Variants in ARHGEF40 observed in about 807,000 individuals in gnomAD.
ARHGEF40 encodes the protein Rho guanine nucleotide exchange factor (GEF) 40.
Under a neutral mutation model 165.9 loss-of-function variants are expected in ARHGEF40, and 98 were observed. The ratio of observed to expected loss-of-function variants is 0.59; its 90% CI spans 0.50 to 0.70. The LOEUF (loss-of-function observed/expected upper bound fraction) is 0.70. ARHGEF40 is among the 30% of genes least tolerant of loss of function. The probability of loss-of-function intolerance (pLI) is 0.00; values close to 1 mark genes in which losing one functional copy is unlikely to be tolerated. For missense variants in ARHGEF40, 1,815 were observed against 1,968.0 expected (o/e 0.92, Z 1.47); for synonymous variants, 792 against 814.3 (o/e 0.97, Z 0.47).
At chr14:21,083,005 T>C in intron 16 of ARHGEF40, 88 bp downstream of exon 16, 1 of 1,160,684 alleles carries the variant, frequency 8.6e-7, no homozygotes. Context: ...GGCAAAAAAC[T>C]GGATATGCCC....
chr14:21,074,483 C>A lies in ARHGEF40; in HGVS notation c.753C>A (p.Pro251=). The change falls in exon 3 of 24, where the codon CCC becomes CCA. Residue 251 remains proline (P), a synonymous_variant. Transcript: ENST00000298694. The surrounding 1 kb of genome is among the most constrained non-coding windows in gnomAD (Gnocchi z 4.8). ...TGGAGCTGTTAGAGGTGACGCTGCC[C>A]GTGAGGGGGAGCCCAACAGATGCTG... ...EYVELLEVTL[P]VRGSPTDAEG... 1 of 1,563,138 alleles carries A rather than the reference C, an allele frequency of 6.4e-7. No individual in the cohort carries two copies. The highest frequency in any genetic ancestry group is 2.3e-5 in the East Asian group (1 of 43,498).
At chr14:21,082,585 T>TCCATGA in intron 15 of ARHGEF40, 107 bp downstream of exon 15, 1 of 1,311,720 alleles carries the variant, frequency 7.6e-7, no homozygotes, top group Non-Finnish European at 1.0e-6. Flanking sequence ...CCATGTGTGG[T>TCCATGA]CCATGACCTT....
chr14:21,085,925 C>A (rs1470980298), intron 19 of ARHGEF40, 59 bp downstream of exon 19: 1 of 1,588,294 alleles, frequency 6.3e-7, no homozygotes, highest in African/African-American at 1.3e-5. Flanking sequence ...AGGAAGTTTT[C>A]TGGAGAGTGT....
At chr14:21,088,242 T>C in intron 22 of ARHGEF40, 144 bp downstream of exon 22, 1 of 1,111,478 alleles carries the variant, frequency 9.0e-7, no homozygotes. Context: ...GGATTTATTA[T>C]CTTGTCTACC....
In ARHGEF40 at chr14:21,070,414, G is replaced by C; in HGVS notation, c.3+15G>C. On this transcript the variant is annotated intron_variant, in intron 1 of 23. Transcript: ENST00000298694. The surrounding 1 kb of genome is among the most constrained non-coding windows in gnomAD (Gnocchi z 4.7). ...GCCGAGCCATGGTGAGTCCAGCGTC[G>C]CAGCCCCCTGGGTCCCCTCGGCCTT... 1 of 1,412,474 alleles carries C rather than the reference G, an allele frequency of 7.1e-7. No homozygotes were observed. The highest frequency in any genetic ancestry group is 1.5e-5 in the South Asian group (1 of 64,772). The allele number at this position is 1,412,474 out of a possible 1,614,324, so 87.5% of individuals were successfully genotyped here.
Position 21,083,916 on chromosome 14 carries a change from GA to G in ARHGEF40, c.3656del (p.Glu1219GlyfsTer4). 6.2e-7 allele frequency: 1 copy of G among 1,614,138 alleles called. No individual in the cohort carries two copies. Among genetic ancestry groups the G allele is most frequent in the Non-Finnish European group, 8.5e-7 (1 of 1,180,048 alleles). On this transcript the variant is annotated frameshift_variant, in exon 17 of 24. Transcript: ENST00000298694. LOFTEE classifies it high-confidence loss of function. Reference protein sequence around the residue: ...EQLTRYGRLLEELLREAGPEL... With the variant: ...EQLTRYGRLLXELLREAGPEL... Reference sequence around the variant, plus strand: ...GCTGACTCGGTATGGGCGGCTCCTGGAGGAGCTCCTGAGGGAAGCTGGGCCT... The same window carrying G: ...GCTGACTCGGTATGGGCGGCTCCTGGGGAGCTCCTGAGGGAAGCTGGGCCT...
the ARHGEF40 span, among the ~76,000 whole-genome samples, chr14:21,062,762 GGAGCCT>G: frequency 8.5e-5 from 9 of 106,508 alleles, no homozygotes; most frequent in Admixed American, 3.7e-4. Flanking sequence ...TATTTGAGAT[GGAGCCT>G]CACTCTGTTG....
intron 16 of ARHGEF40, 65 bp from the exon 17 acceptor site, chr14:21,083,770 A>G: frequency 6.7e-7 from 1 of 1,490,974 alleles, no homozygotes; most frequent in Non-Finnish European, 9.1e-7. Context: ...CTACCCCCCA[A>G]CCCCTGAGCT....
chr14:21,077,271 GTTTTTGTATTTTTTTTTTTTTT>G (rs1317106935), intron 8 of ARHGEF40, among the ~76,000 whole-genome samples: 1 of 138,348 alleles, frequency 7.2e-6, no homozygotes, highest in African/African-American at 2.6e-5. Flanking sequence ...CACCCACCTA[GTTTTTGTATTTTTTTTTTTTTT>G]TTTTTTGTAG....
rs140261322 is a variant in ARHGEF40, at chr14:21,082,493, C to T, written c.3486+15C>T. 5.5e-4 allele frequency: 852 copies of T among 1,559,382 alleles called. No individual in the cohort carries two copies. Among genetic ancestry groups the T allele is most frequent in the Non-Finnish European group, 7.0e-4 (810 of 1,151,714 alleles). ...TCCTTCGCCACGTGAGTGATCCCCT[C>T]AACTTCTTCCAAGTGCTCTCCCTTC... On this transcript the variant is annotated intron_variant, in intron 15 of 23. Transcript: ENST00000298694.
At position 21,087,483 on chromosome 14, in the gene ARHGEF40, G is replaced by T. The variant is rs1261167843; in HGVS notation, c.4387+20G>T. ...CCCTGGGTGAGGCACCTCTCAAGGG[G>T]TGGCTCCCAACAGCTCGGTCATGGT... On this transcript the variant is annotated intron_variant, in intron 21 of 23. Coordinates refer to ENST00000298694, the MANE Select transcript of ARHGEF40 (RefSeq NM_018071.5). 4.4e-6 allele frequency: 7 copies of T among 1,599,520 alleles called. No individual in the cohort carries two copies. Among genetic ancestry groups the T allele is most frequent in the Non-Finnish European group, 5.9e-6 (7 of 1,179,182 alleles).
Position 21,075,796 on chromosome 14 carries a change from C to T in ARHGEF40, c.1739+31C>T, listed in dbSNP as rs755823111. 25 of 1,601,516 alleles carry T rather than the reference C, an allele frequency of 1.6e-5. No individual in the cohort carries two copies. The highest frequency in any genetic ancestry group is 2.0e-5 in the Non-Finnish European group (24 of 1,172,646). ...CGAGGCCCAGTCCTGGCACCCTGGA[C>T]ACTAACCTCCTGATTCATGAGGACC... On this transcript the variant is annotated intron_variant, in intron 5 of 23. Transcript: ENST00000298694. The surrounding 1 kb of genome is among the most constrained non-coding windows in gnomAD (Gnocchi z 4.5).
At position 21,088,055 on chromosome 14, in the gene ARHGEF40, C is replaced by A. The variant is rs748355447; in HGVS notation, c.4475C>A (p.Thr1492Asn). The change falls in exon 22 of 24, where the codon ACT becomes AAT. Residue 1492 changes from threonine (T) to asparagine (N), a missense_variant. Thr to Asn is a moderately conservative substitution (Grantham distance 65). Transcript: ENST00000298694. The part of the protein sequence containing the change: ...SLQPPHPGSS[T>N]PTLASRGILG... ...CAACCCCCCCACCCTGGGAGCAGCA[C>A]TCCCACCCTGGCCAGTCGAGGGATC... 6.2e-7 allele frequency: 1 copy of A among 1,614,018 alleles called. No individual in the cohort carries two copies. The highest frequency in any genetic ancestry group is 8.5e-7 in the Non-Finnish European group (1 of 1,179,956).
intron 18 of ARHGEF40, 23 bp from the exon 19 acceptor site, chr14:21,085,666 C>A (rs201452739): frequency 2.1e-5 from 33 of 1,609,106 alleles, no homozygotes; most frequent in South Asian, 8.8e-5. Flanking sequence ...TGTCTTCACC[C>A]GCTGCCCTCT....
Position 21,087,332 on chromosome 14 carries a change from G to T in ARHGEF40, c.4256G>T (p.Arg1419Leu), listed in dbSNP as rs141993702. 1.2e-6 allele frequency: 2 copies of T among 1,603,394 alleles called. No homozygotes were observed. Among genetic ancestry groups the T allele is most frequent in the African/African-American group, 1.3e-5 (1 of 74,850 alleles). ...CCACTCTCTGCAGCCGCCCGCACCC[G>T]GGCCTCCGTGGCCGTGTCATCCTTT... ...ALLTGRAART[R>L]ASVAVSSFEH... The change falls in exon 21 of 24, where the codon CGG becomes CTG. Residue 1419 changes from arginine (R) to leucine (L), a missense_variant. Physicochemically the swap from Arg to Leu is moderately radical, Grantham distance 102. Coordinates refer to ENST00000298694, the MANE Select transcript of ARHGEF40 (RefSeq NM_018071.5).
Position 21,081,909 on chromosome 14 carries a change from A to G in ARHGEF40, c.3041A>G (p.Glu1014Gly), listed in dbSNP as rs1475484753. ...PSHCSLAPCG[E>G]DYEEEGPELA... is the part of the protein sequence containing the mutation. ...CATTGCTCCCTGGCCCCATGTGGAG[A>G]GGACTATGAGGAAGAGGGCCCTGAG... The change falls in exon 14 of 24, where the codon GAG becomes GGG. Residue 1014 changes from glutamate to glycine, a missense_variant. Physicochemically the swap from Glu to Gly is moderately conservative, Grantham distance 98. Transcript: ENST00000298694. 1 of 1,613,166 alleles carries G rather than the reference A, an allele frequency of 6.2e-7. No homozygotes were observed. Among genetic ancestry groups the G allele is most frequent in the Non-Finnish European group, 8.5e-7 (1 of 1,179,782 alleles).
intron 16 of ARHGEF40, among the ~76,000 whole-genome samples, chr14:21,083,255 G>A (rs927932241): frequency 2.0e-5 from 3 of 152,108 alleles, no homozygotes; most frequent in Admixed American, 2.0e-4. Context: ...AAGTTCAAAG[G>A]CAGTGGCCGG....
chr14:21,067,072 A>C (rs959353870), upstream of ARHGEF40, among the ~76,000 whole-genome samples: 1 of 152,128 alleles, frequency 6.6e-6, no homozygotes, highest in African/African-American at 2.4e-5. Flanking sequence ...TCCCAGGGAG[A>C]AATAGTGAGC....
intron 16 of ARHGEF40, among the ~76,000 whole-genome samples, chr14:21,083,411 G>A (rs973587169): frequency 4.0e-5 from 6 of 151,804 alleles, no homozygotes; most frequent in South Asian, 4.2e-4. Flanking sequence ...TTAGCCAGGC[G>A]TGGTGGCGGG....
Sources: allele counts gnomAD v4.1 joint callset (sites outside exome capture counted in the v4.1 genomes callset), GRCh38; gene constraint gnomAD v4.1.1; non-coding constraint Gnocchi (gnomAD v3.1); transcripts MANE v1.5; gene names NCBI Gene and HGNC (gene_info 2026-07-23, HGNC 2026-07-21).